Variants in MTAP observed in about 807,000 individuals in gnomAD.
MTAP encodes the protein S-methyl-5'-thioadenosine phosphorylase.
MTAP carries 33 observed loss-of-function variants against 33.6 expected under a neutral mutation model. The ratio of observed to expected loss-of-function variants is 0.98; its 90% CI spans 0.74 to 1.31. The LOEUF is 1.31. Among genes scored for constraint, MTAP ranks in the 40% most tolerant of loss-of-function variants. The pLI, the probability that MTAP is intolerant of heterozygous loss-of-function variation, is 0.00. For synonymous variants in MTAP, 148 were observed against 125.7 expected, an observed-to-expected ratio of 1.18 and a Z score of -1.19; for missense variants, 367 against 360.0, an observed-to-expected ratio of 1.02 and a Z score of -0.16.
chr9:21,863,636 A>G lies in MTAP; in HGVS notation c.*1622A>G, dbSNP rs1170318504. Reference sequence around the variant, plus strand: ...AGACTCAGTCTCAAAAAAAAAAAAAAGAGTGAAATGCTTTTTGTTTGCTTC... The same window carrying G: ...AGACTCAGTCTCAAAAAAAAAAAAAGGAGTGAAATGCTTTTTGTTTGCTTC... On this transcript the variant is annotated 3_prime_UTR_variant, in exon 8 of 8. Coordinates refer to ENST00000644715, the MANE Select transcript of MTAP (RefSeq NM_002451.4). 3.1e-6 allele frequency: 3 copies of G among 981,512 alleles called. No individual in the cohort carries two copies. The highest frequency in any genetic ancestry group is 3.6e-6 in the Non-Finnish European group (3 of 828,366). 60.8% of individuals were successfully genotyped at this position (981,512 alleles called of 1,614,324 possible).
intron 5 of MTAP, among the ~76,000 whole-genome samples, chr9:21,842,222 CAAA>C (rs1825264876): frequency 6.6e-6 from 1 of 151,384 alleles, no homozygotes; most frequent in South Asian, 2.1e-4. Flanking sequence ...TGAATCAAGA[CAAA>C]GAAAAAGAAT....
intron 1 of MTAP, among the ~76,000 whole-genome samples, chr9:21,885,779 GGTGTGTGTGTGTGTGTGTGTGTGT>G (rs34691018): frequency 4.2e-5 from 6 of 144,446 alleles, no homozygotes; most frequent in African/African-American, 1.0e-4. Flanking sequence ...AGTATTACAT[GGTGTGTGTGTGTGTGTGTGTGTGT>G]GTGTGTGTGT....
intron 1 of MTAP, among the ~76,000 whole-genome samples, chr9:21,896,093 C>G (rs971996937): frequency 6.6e-6 from 1 of 152,182 alleles, no homozygotes; most frequent in Non-Finnish European, 1.5e-5. Context: ...AACTAGAACT[C>G]AGGATTAAGA....
At chr9:21,936,560 C>T (rs1182213361) in exon 8 of MTAP, 1 of 152,162 alleles carries the variant, frequency 6.6e-6, no homozygotes, top group Non-Finnish European at 1.5e-5. Context: ...AGTTAATCTA[C>T]TTTTGGTTTT....
chr9:21,803,067 T>A, intron 1 of MTAP: 1 of 845,806 alleles, frequency 1.2e-6, no homozygotes, highest in Non-Finnish European at 1.6e-6. Flanking sequence ...ACCCGCACCC[T>A]GTAGGGCGTA....
intron 1 of MTAP, among the ~76,000 whole-genome samples, chr9:21,876,741 A>G (rs1404572737): frequency 2.0e-5 from 3 of 151,968 alleles, no homozygotes; most frequent in Non-Finnish European, 4.4e-5. Context: ...TTTTTCTACC[A>G]GTACTATGCT....
At chr9:21,873,473 T>C (rs1825962855) in intron 1 of MTAP, among the ~76,000 whole-genome samples, 1 of 152,144 alleles carries the variant, frequency 6.6e-6, no homozygotes. Flanking sequence ...TTAGTTTCTC[T>C]ATAAATAAGG....
chr9:21,855,011 C>A, intron 6 of MTAP, 141 bp downstream of exon 6: 1 of 1,161,608 alleles, frequency 8.6e-7, no homozygotes, highest in Non-Finnish European at 1.2e-6. Flanking sequence ...TTCTGTAGTT[C>A]CATTGGAAGG....
intron 1 of MTAP, among the ~76,000 whole-genome samples, chr9:21,917,674 G>A (rs1818712576): frequency 6.6e-6 from 1 of 152,096 alleles, no homozygotes; most frequent in Admixed American, 6.5e-5. Flanking sequence ...ACTATAGAAA[G>A]TAATATGCAG....
At chr9:21,928,534 T>C (rs548897321) in intron 1 of MTAP, among the ~76,000 whole-genome samples, 56 of 152,230 alleles carry the variant, frequency 3.7e-4, no homozygotes, top group African/African-American at 1.3e-3. Flanking sequence ...GCACAGGAGA[T>C]AGCTGACTTG....
At chr9:21,933,639 C>T (rs1170714358), downstream of MTAP, 1 of 152,162 alleles carries the variant, frequency 6.6e-6, no homozygotes, top group Non-Finnish European at 1.5e-5. Context: ...CTTTAGCCAT[C>T]CTTTAGATAA....
chr9:21,875,113 C>G (rs1313169740), intron 1 of MTAP, among the ~76,000 whole-genome samples: 1 of 152,068 alleles, frequency 6.6e-6, no homozygotes, highest in Non-Finnish European at 1.5e-5. Flanking sequence ...AGTCTTTACT[C>G]TTGTGAATAG....
At chr9:21,912,548 T>G (rs776972946) in intron 1 of MTAP, among the ~76,000 whole-genome samples, 1 of 152,122 alleles carries the variant, frequency 6.6e-6, no homozygotes, top group Non-Finnish European at 1.5e-5. Flanking sequence ...ATTATCTCAA[T>G]AGATGCAGAA....
At chr9:21,826,514 A>G (rs182520647) in intron 4 of MTAP, among the ~76,000 whole-genome samples, 2 of 151,880 alleles carry the variant, frequency 1.3e-5, no homozygotes, top group African/African-American at 4.8e-5. Flanking sequence ...ATTCTTGGCA[A>G]GGATCCTTCC....
At chr9:21,887,522 T>C (rs1349058999) in intron 1 of MTAP, among the ~76,000 whole-genome samples, 4 of 152,210 alleles carry the variant, frequency 2.6e-5, no homozygotes, top group African/African-American at 9.6e-5. Context: ...TGTTGGACAT[T>C]TGGGTTGGTT....
rs1825779961 is a variant in MTAP at position 21,862,782 on chromosome 9, C to A, written c.*768C>A. 1 of 287,512 alleles carries A rather than the reference C, an allele frequency of 3.5e-6. No homozygotes were observed. Among genetic ancestry groups the A allele is most frequent in the Non-Finnish European group, 5.2e-6 (1 of 192,810 alleles). 17.8% of individuals were successfully genotyped at this position (287,512 alleles called of 1,614,324 possible). Reference sequence around the variant, plus strand: ...TGCTTTAAAATGCTATGTAAATATACAAAAAAACTAGAAAGAAATATATAT... The same window carrying A: ...TGCTTTAAAATGCTATGTAAATATAAAAAAAAACTAGAAAGAAATATATAT... On this transcript the variant is annotated 3_prime_UTR_variant, in exon 8 of 8. Coordinates refer to ENST00000644715, the MANE Select transcript of MTAP (RefSeq NM_002451.4).
chr9:21,851,409 T>C (rs1460586193), intron 5 of MTAP, among the ~76,000 whole-genome samples: 1 of 152,242 alleles, frequency 6.6e-6, no homozygotes, highest in African/African-American at 2.4e-5. Context: ...ATTTTCTTTC[T>C]CCTTTATCAT....
Position 21,864,628 on chromosome 9 carries a change from C to T in MTAP, c.*2614C>T. Reference sequence around the variant, plus strand: ...CTTGTGACCTGGCCCCTGTTCACTGCCCCCTTCGCTAGCACGAGTTGCTGT... The same window carrying T: ...CTTGTGACCTGGCCCCTGTTCACTGTCCCCTTCGCTAGCACGAGTTGCTGT... On this transcript the variant is annotated 3_prime_UTR_variant, in exon 8 of 8. Coordinates refer to ENST00000644715, the MANE Select transcript of MTAP (RefSeq NM_002451.4). 1.0e-6 allele frequency: 1 copy of T among 985,500 alleles called. No homozygotes were observed. Among genetic ancestry groups the T allele is most frequent in the East Asian group, 1.1e-4 (1 of 8,812 alleles). 61.0% of individuals were successfully genotyped at this position (985,500 alleles called of 1,614,324 possible).
chr9:21,877,937 A>G (rs1826034681), intron 1 of MTAP, among the ~76,000 whole-genome samples: 1 of 152,136 alleles, frequency 6.6e-6, no homozygotes, highest in South Asian at 2.1e-4. Context: ...GACTGGTACC[A>G]GCTTTTACTT....
Sources: gnomAD v4.1 joint callset for allele counts (sites outside exome capture counted in the v4.1 genomes callset) on GRCh38, gnomAD v4.1.1 for gene constraint, MANE v1.5 for transcripts, NCBI Gene and HGNC (gene_info 2026-07-23, HGNC 2026-07-21) for gene names.